Variants in FER observed in about 807,000 individuals in gnomAD.
FER encodes FER tyrosine kinase, also known as tyrosine-protein kinase Fer.
FER carries 63 observed loss-of-function variants against 111.0 expected under a neutral mutation model. The observed-to-expected ratio is 0.57, with a 90% CI of 0.46 to 0.70. The LOEUF (loss-of-function observed/expected upper bound fraction) is 0.70. FER is among the 30% of genes least tolerant of loss of function. The pLI, the probability that FER is intolerant of heterozygous loss-of-function variation, is 0.00. For synonymous variants in FER, 327 were observed against 313.9 expected (o/e 1.04, Z -0.44); for missense variants, 914 against 954.0 (o/e 0.96, Z 0.55).
intron 10 of FER, among the ~76,000 whole-genome samples, chr5:108,911,324 T>C (rs1751515649): frequency 6.6e-6 from 1 of 152,156 alleles, no homozygotes; most frequent in African/African-American, 2.4e-5. Flanking sequence ...AGTTGTTCAT[T>C]TTTTTCTTGT....
chr5:108,857,248 A>G lies in FER; in HGVS notation c.482-10519A>G, dbSNP rs1287214066. ...AGTTGCCTTTACACTGGAACAGTTA[A>G]TAGTCTTTATGGTTCACAAAACATT... On this transcript the variant is annotated intron_variant, in intron 5 of 19. Coordinates refer to ENST00000281092, the MANE Select transcript of FER (RefSeq NM_005246.4). Among the ~76,000 whole-genome samples the G allele has an allele frequency of 2.6e-5, 4 of 152,250 alleles. No individual in the cohort carries two copies. In the South Asian group the frequency reaches 8.3e-4, roughly 32 times the overall value.
chr5:108,963,097 G>A (rs1759345774), intron 13 of FER, among the ~76,000 whole-genome samples: 1 of 151,878 alleles, frequency 6.6e-6, no homozygotes, highest in Non-Finnish European at 1.5e-5. Flanking sequence ...TAGGATTTGA[G>A]CTAAAATATA....
At chr5:109,171,385 G>A (rs536511001) in intron 17 of FER, among the ~76,000 whole-genome samples, 2 of 152,294 alleles carry the variant, frequency 1.3e-5, no homozygotes, top group Non-Finnish European at 2.9e-5. Context: ...CAATGCAAAT[G>A]TTTGTATCAC....
chr5:108,768,835 T>A (rs926304032), intron 2 of FER, among the ~76,000 whole-genome samples: 16 of 151,964 alleles, frequency 1.1e-4, no homozygotes, highest in African/African-American at 3.9e-4. Flanking sequence ...ACAATTTTTT[T>A]TTTTTTTGAG....
chr5:108,933,886 CATT>C (rs1755064881), intron 10 of FER, among the ~76,000 whole-genome samples: 1 of 152,040 alleles, frequency 6.6e-6, no homozygotes, highest in Non-Finnish European at 1.5e-5. Flanking sequence ...GGAGTTCACT[CATT>C]ATTTGGCTGT....
chr5:108,815,650 C>T (rs1269112410), intron 3 of FER, among the ~76,000 whole-genome samples: 1 of 152,064 alleles, frequency 6.6e-6, no homozygotes, highest in Non-Finnish European at 1.5e-5. Flanking sequence ...GTGATAAATA[C>T]TATCTTCAAA....
At chr5:108,803,705 G>T (rs1474019053) in intron 3 of FER, among the ~76,000 whole-genome samples, 2 of 148,910 alleles carry the variant, frequency 1.3e-5, no homozygotes, top group African/African-American at 5.0e-5. Flanking sequence ...GTCTTTTTTT[G>T]TACCACTACC....
intron 13 of FER, among the ~76,000 whole-genome samples, chr5:109,022,697 A>C (rs1175791928): frequency 6.6e-6 from 1 of 152,146 alleles, no homozygotes; most frequent in Non-Finnish European, 1.5e-5. Context: ...ACACGATTCA[A>C]GTCAAGACCT....
At chr5:109,153,333 A>G (rs1178497067) in intron 17 of FER, among the ~76,000 whole-genome samples, 1 of 151,916 alleles carries the variant, frequency 6.6e-6, no homozygotes, top group Non-Finnish European at 1.5e-5. Context: ...ACATACAGAG[A>G]TATTTCAAGT....
intron 13 of FER, among the ~76,000 whole-genome samples, chr5:109,017,196 G>A (rs976555687): frequency 1.3e-5 from 2 of 151,982 alleles, no homozygotes; most frequent in African/African-American, 4.8e-5. Context: ...CTTTTGAAAT[G>A]TGAGCTTGAG....
chr5:108,968,983 T>G (rs1561694286), intron 13 of FER, among the ~76,000 whole-genome samples: 1 of 152,102 alleles, frequency 6.6e-6, no homozygotes, highest in East Asian at 1.9e-4. Context: ...ATATATTTAT[T>G]CACCTATTAG....
At chr5:108,760,035 A>G (rs892002189) in intron 1 of FER, among the ~76,000 whole-genome samples, 2 of 152,210 alleles carry the variant, frequency 1.3e-5, no homozygotes, top group East Asian at 3.9e-4. Context: ...CTTAGCCAAT[A>G]TGGCAGAATG....
intron 3 of FER, chr5:108,820,563 T>G: frequency 2.0e-6 from 2 of 983,750 alleles, no homozygotes; most frequent in Non-Finnish European, 2.4e-6. Flanking sequence ...GCCTGTTCTG[T>G]GTTTAGATAC....
intron 3 of FER, among the ~76,000 whole-genome samples, chr5:108,823,570 G>GT (rs1580730972): frequency 6.6e-6 from 1 of 152,106 alleles, no homozygotes; most frequent in Non-Finnish European, 1.5e-5. Context: ...GGTCATTTGT[G>GT]TATCTTCTTT....
chr5:108,893,974 T>G (rs1328199026), intron 9 of FER, among the ~76,000 whole-genome samples: 3 of 151,572 alleles, frequency 2.0e-5, no homozygotes, highest in Non-Finnish European at 4.4e-5. Flanking sequence ...AGAGGTTTTT[T>G]TTTTTTTTTT....
intron 16 of FER, among the ~76,000 whole-genome samples, chr5:109,060,879 A>G (rs1561843437): frequency 6.6e-6 from 1 of 151,858 alleles, no homozygotes; most frequent in Non-Finnish European, 1.5e-5. Context: ...CATCATCATC[A>G]GTATCATTAT....
At chr5:108,923,593 A>G (rs1262635681) in intron 10 of FER, among the ~76,000 whole-genome samples, 3 of 152,186 alleles carry the variant, frequency 2.0e-5, no homozygotes, top group African/African-American at 7.2e-5. Flanking sequence ...AAAAAAATGA[A>G]TGAATAAAGC....
chr5:108,822,698 AATTTTATTTTATTT>A (rs1580725438), intron 3 of FER, among the ~76,000 whole-genome samples: 1 of 139,776 alleles, frequency 7.2e-6, no homozygotes, highest in East Asian at 2.2e-4. Context: ...TTGGGGATCA[AATTTTATTTTATTT>A]ATTTTATTTT....
At chr5:108,986,921 A>G (rs560105097) in intron 13 of FER, among the ~76,000 whole-genome samples, 2 of 151,792 alleles carry the variant, frequency 1.3e-5, no homozygotes, top group Non-Finnish European at 2.9e-5. Flanking sequence ...TGTTTTGTCA[A>G]TGACGGTTCT....
Sources: gnomAD v4.1 joint callset for allele counts (sites outside exome capture counted in the v4.1 genomes callset) on GRCh38, gnomAD v4.1.1 for gene constraint, MANE v1.5 for transcripts, NCBI Gene and HGNC (gene_info 2026-07-23, HGNC 2026-07-21) for gene names.